The following COL6A5 variants were observed in gnomAD, a reference collection of about 807,000 sequenced individuals.
COL6A5 encodes the protein collagen type VI alpha 5 chain, also known as collagen alpha-5(VI) chain.
COL6A5 carries 48 observed loss-of-function variants against 65.6 expected under a neutral mutation model. That is an observed-to-expected ratio of 0.73 (90% CI 0.58 to 0.93). The LOEUF is 0.93. Ranked by LOEUF, COL6A5 falls within the 40% of genes least tolerant of loss-of-function variation. The pLI, the probability that COL6A5 is intolerant of heterozygous loss-of-function variation, is 0.00. For synonymous variants in COL6A5, 291 were observed against 322.8 expected, an observed-to-expected ratio of 0.90 and a Z score of 1.05; for missense variants, 914 against 928.3, an observed-to-expected ratio of 0.98 and a Z score of 0.20.
chr3:130,357,845 T>G (rs1671506612), intron 1 of COL6A5, among the ~76,000 whole-genome samples: 1 of 152,102 alleles, frequency 6.6e-6, no homozygotes, highest in African/African-American at 2.4e-5. Flanking sequence ...AAATATATAT[T>G]ATAAACCAAC....
intron 4 of COL6A5, among the ~76,000 whole-genome samples, chr3:130,450,121 T>A (rs1437464561): frequency 1.5e-5 from 2 of 131,158 alleles, no homozygotes; most frequent in Middle Eastern, 3.8e-3. Context: ...TTGGTTTGGC[T>A]GTAGGTAGAT....
chr3:130,385,055 G>A, exon 5 of COL6A5: 1 of 1,550,830 alleles, frequency 6.4e-7, no homozygotes, highest in Non-Finnish European at 8.7e-7. Flanking sequence ...ACTAACTGGT[G>A]GAACTTATAC....
At chr3:130,346,854 CA>C (rs1353653489) in intron 1 of COL6A5, among the ~76,000 whole-genome samples, 1 of 152,106 alleles carries the variant, frequency 6.6e-6, no homozygotes, top group East Asian at 1.9e-4. Context: ...GAATTCTGAA[CA>C]AAAATCCTTA....
intron 5 of COL6A5, among the ~76,000 whole-genome samples, chr3:130,387,516 C>A (rs1050664359): frequency 1.1e-4 from 16 of 152,100 alleles, no homozygotes; most frequent in African/African-American, 3.9e-4. Flanking sequence ...ACATCTTCAG[C>A]AATTTCTCCT....
At chr3:130,484,048 A>C in exon 8 of COL6A5, 1 of 1,608,494 alleles carries the variant, frequency 6.2e-7, no homozygotes, top group Non-Finnish European at 8.5e-7. Flanking sequence ...GTGAAGATAC[A>C]AGGTCATCAT....
chr3:130,474,261 C>T (rs1466271254), intron 7 of COL6A5, among the ~76,000 whole-genome samples: 4 of 152,112 alleles, frequency 2.6e-5, no homozygotes, highest in African/African-American at 9.7e-5. Flanking sequence ...AGAAACTAAA[C>T]TGTGACTGCT....
At chr3:130,366,125 T>G (rs115530719) in intron 1 of COL6A5, among the ~76,000 whole-genome samples, 1,745 of 152,284 alleles carry the variant, frequency 0.011, 16 homozygotes, top group Non-Finnish European at 0.018. Flanking sequence ...CCAATGTCAT[T>G]TATTTCCATG....
At chr3:130,481,993 G>T (rs192687490) in intron 7 of COL6A5, among the ~76,000 whole-genome samples, 2 of 152,186 alleles carry the variant, frequency 1.3e-5, no homozygotes, top group African/African-American at 4.8e-5. Context: ...CATTCTGTAG[G>T]TTGCCTGTTC....
chr3:130,382,552 C>T (rs1936035485), intron 4 of COL6A5, among the ~76,000 whole-genome samples: 1 of 152,138 alleles, frequency 6.6e-6, no homozygotes, highest in Non-Finnish European at 1.5e-5. Flanking sequence ...GAATTGGTCT[C>T]TGAGGGTAGG....
At chr3:130,463,235 A>G (rs1709739100) in intron 5 of COL6A5, among the ~76,000 whole-genome samples, 1 of 152,158 alleles carries the variant, frequency 6.6e-6, no homozygotes, top group South Asian at 2.1e-4. Context: ...TCATCTGGAC[A>G]GAACCTCACA....
rs770189883 is a variant in COL6A5 at position 130,379,940 on chromosome 3, A to G, written c.1190A>G (p.Lys397Arg). 7 of 1,551,374 alleles carry G rather than the reference A, an allele frequency of 4.5e-6. No homozygotes were observed. The South Asian group carries it at 7.1e-5, about 16-fold the overall frequency. ...CCAGAACAGACAATTTCCACGCTGAAGTCCTATGCAGACTTAGAAACTTAC... is the reference window on the plus strand; with the variant it reads ...CCAGAACAGACAATTTCCACGCTGAGGTCCTATGCAGACTTAGAAACTTAC... Residue 397 changes from lysine to arginine, a missense_variant and NMD_transcript_variant, in exon 4 of 42, where the codon AAG becomes AGG. By Grantham distance (26) the Lys-to-Arg change is conservative. Coordinates refer to the COL6A5 transcript ENST00000312481.
chr3:130,471,901 G>C (rs1438412853), intron 7 of COL6A5: 3 of 1,534,638 alleles, frequency 2.0e-6, no homozygotes, highest in Non-Finnish European at 2.6e-6. Context: ...CAGCTCTAGT[G>C]GTTGATAAAC....
At chr3:130,475,902 T>C (rs1270736804) in intron 7 of COL6A5, among the ~76,000 whole-genome samples, 1 of 152,096 alleles carries the variant, frequency 6.6e-6, no homozygotes, top group Admixed American at 6.6e-5. Context: ...AGTACACAGA[T>C]GGAGAAACTG....
chr3:130,385,328 A>G, exon 5 of COL6A5: 1 of 1,550,540 alleles, frequency 6.4e-7, no homozygotes, highest in Non-Finnish European at 8.7e-7. Flanking sequence ...GAAAAGCATA[A>G]AAAATGAAGT....
intron 5 of COL6A5, among the ~76,000 whole-genome samples, chr3:130,462,984 C>A (rs1413323058): frequency 6.6e-6 from 1 of 152,080 alleles, no homozygotes; most frequent in Admixed American, 6.6e-5. Flanking sequence ...TTAGCCAACT[C>A]ATTCACCCTT....
Position 130,412,421 on chromosome 3 carries a change from G to A in COL6A5, c.4663-1124G>A, listed in dbSNP as rs535419785. ...AACCACACTGGGTGAGGTTTATTGG[G>A]CAATTGCCCTGTGCCACACAGGCTT... On this transcript the variant is annotated intron_variant and NMD_transcript_variant, in intron 20 of 41. Transcript: ENST00000312481. Among the ~76,000 whole-genome samples, 4 of 152,286 alleles carry A rather than the reference G, an allele frequency of 2.6e-5. No individual in the cohort carries two copies. In the South Asian group the frequency reaches 6.2e-4, roughly 24 times the overall value.
At chr3:130,375,661 T>C (rs938987552) in intron 2 of COL6A5, among the ~76,000 whole-genome samples, 2 of 152,154 alleles carry the variant, frequency 1.3e-5, no homozygotes, top group African/African-American at 4.8e-5. Flanking sequence ...GAAAGAGGTT[T>C]AATTGACTCA....
chr3:130,477,212 G>T, intron 7 of COL6A5: 1 of 686,536 alleles, frequency 1.5e-6, no homozygotes. Context: ...AAAAGTTGAA[G>T]ATGATGCATA....
rs1053574459 is a variant in COL6A5, at chr3:130,425,223, C to T, written c.5164-991C>T. On this transcript the variant is annotated intron_variant and NMD_transcript_variant, in intron 29 of 41. Coordinates refer to the COL6A5 transcript ENST00000312481. The stretch of plus-strand genomic sequence containing the variant: ...CCAATGGGTACGACTGGGGATGCCA[C>T]AACAGTTCGGATTAACTCCAGCAAT... 4.6e-5 allele frequency among the ~76,000 whole-genome samples: 7 copies of T among 152,086 alleles called. 1 individual carries two copies. Among genetic ancestry groups the T allele is most frequent in the Non-Finnish European group, 1.5e-5 (1 of 68,014 alleles).
Sources: gnomAD v4.1 joint callset for allele counts (sites outside exome capture counted in the v4.1 genomes callset) on GRCh38, gnomAD v4.1.1 for gene constraint, MANE v1.5 for transcripts, NCBI Gene and HGNC (gene_info 2026-07-23, HGNC 2026-07-21) for gene names.